Variants in SERGEF observed in about 807,000 individuals in gnomAD.
SERGEF encodes secretion regulating guanine nucleotide exchange factor.
Under a neutral mutation model 50.0 loss-of-function variants are expected in SERGEF, and 51 were observed. The ratio of observed to expected loss-of-function variants is 1.02; its 90% CI spans 0.81 to 1.29. SERGEF has a LOEUF of 1.29. Ranked by LOEUF, SERGEF falls within the 50% of genes most tolerant of loss-of-function variation. The pLI is 0.00. For synonymous variants in SERGEF, 205 were observed against 212.4 expected (o/e 0.97, Z 0.30); for missense variants, 521 against 557.0 (o/e 0.94, Z 0.65).
chr11:17,821,796 A>C (rs1016749781), intron 10 of SERGEF, among the ~76,000 whole-genome samples: 1 of 152,124 alleles, frequency 6.6e-6, no homozygotes, highest in Admixed American at 6.6e-5. Context: ...TGTCCATCTC[A>C]CTCAAAAGAG....
At chr11:17,979,502 T>C (rs1401362174) in intron 8 of SERGEF, among the ~76,000 whole-genome samples, 1 of 152,138 alleles carries the variant, frequency 6.6e-6, no homozygotes, top group Non-Finnish European at 1.5e-5. Flanking sequence ...GCATTGTGTG[T>C]TTGTGTGAGC....
Position 18,012,965 on chromosome 11 carries a change from C to T in SERGEF, c.46G>A (p.Ala16Thr), listed in dbSNP as rs761863944. The T allele has an allele frequency of 1.4e-5, 21 of 1,477,738 alleles. No homozygotes were observed. The Admixed American group carries it at 1.7e-4, about 12-fold the overall frequency. 91.5% of individuals were successfully genotyped at this position (1,477,738 alleles called of 1,614,324 possible). A position where few individuals can be genotyped will look rare whatever the true frequency, so the allele number is the denominator to read the frequency against. ...SASEAAPAAA[A>T]LFAWGANSYG... ...GAGTCACGTACCCAGGCGAAGAGCG[C>T]GGCCGCCGCGGGGGCGGCCTCCGAG... Residue 16 changes from alanine (A) to threonine (T), a missense_variant, in exon 1 of 11, where the codon GCG (alanine) becomes ACG (threonine). Transcript: ENST00000265965.
chr11:17,839,335 C>A (rs1202101898), intron 10 of SERGEF, among the ~76,000 whole-genome samples: 3 of 152,176 alleles, frequency 2.0e-5, no homozygotes, highest in Non-Finnish European at 4.4e-5. Flanking sequence ...CCATCAGAGA[C>A]ACACTTTAGG....
intron 8 of SERGEF, among the ~76,000 whole-genome samples, chr11:17,975,774 A>G (rs917211683): frequency 3.3e-5 from 5 of 152,186 alleles, no homozygotes; most frequent in African/African-American, 4.8e-5. Context: ...CTACTCACAG[A>G]GTAACGCCTC....
At chr11:17,823,683 T>A (rs1376823991) in intron 10 of SERGEF, among the ~76,000 whole-genome samples, 1 of 152,122 alleles carries the variant, frequency 6.6e-6, no homozygotes, top group Admixed American at 6.5e-5. Context: ...GAGAGCCATC[T>A]CCTCTCATCA....
intron 10 of SERGEF, among the ~76,000 whole-genome samples, chr11:17,812,605 G>A (rs1452379148): frequency 6.6e-6 from 1 of 152,112 alleles, no homozygotes; most frequent in South Asian, 2.1e-4. Context: ...TTCTCCTCCT[G>A]TTCAATCCTG....
chr11:17,899,043 C>T (rs909138386), intron 9 of SERGEF, among the ~76,000 whole-genome samples: 1 of 152,208 alleles, frequency 6.6e-6, no homozygotes, highest in African/African-American at 2.4e-5. Flanking sequence ...CTATCTAAGA[C>T]ATGCCTGCTT....
intron 10 of SERGEF, among the ~76,000 whole-genome samples, chr11:17,842,265 T>C (rs1354819019): frequency 1.3e-5 from 2 of 152,166 alleles, no homozygotes; most frequent in Admixed American, 1.3e-4. Context: ...TTCCAAGCAA[T>C]CATAACAGGT....
At chr11:17,936,271 G>A (rs1444102697) in intron 9 of SERGEF, among the ~76,000 whole-genome samples, 1 of 151,938 alleles carries the variant, frequency 6.6e-6, no homozygotes, top group Non-Finnish European at 1.5e-5. Context: ...TATTCTTCTG[G>A]GTAATACTGG....
intron 9 of SERGEF, among the ~76,000 whole-genome samples, chr11:17,916,461 T>C (rs1158190781): frequency 1.3e-5 from 2 of 152,208 alleles, no homozygotes; most frequent in Non-Finnish European, 2.9e-5. Context: ...TCTGAGCTTA[T>C]AAATTACCTG....
chr11:17,907,499 T>C (rs970605002), intron 9 of SERGEF, among the ~76,000 whole-genome samples: 2 of 152,250 alleles, frequency 1.3e-5, no homozygotes, highest in African/African-American at 4.8e-5. Flanking sequence ...TTATATGTTC[T>C]TTCCCTGTGT....
intron 10 of SERGEF, among the ~76,000 whole-genome samples, chr11:17,864,242 C>A (rs538472641): frequency 6.6e-6 from 1 of 152,320 alleles, no homozygotes; most frequent in South Asian, 2.1e-4. Flanking sequence ...GAGCATTGTG[C>A]TAAACAGGTG....
intron 10 of SERGEF, among the ~76,000 whole-genome samples, chr11:17,791,670 C>T (rs1185260532): frequency 6.6e-6 from 1 of 152,214 alleles, no homozygotes; most frequent in African/African-American, 2.4e-5. Flanking sequence ...CCAGCTTCGC[C>T]ACTTACTAGT....
intron 10 of SERGEF, among the ~76,000 whole-genome samples, chr11:17,797,709 A>G (rs1364536247): frequency 1.3e-5 from 2 of 152,210 alleles, no homozygotes; most frequent in East Asian, 3.8e-4. Context: ...TTAGCGCTCA[A>G]TGCTGTTGTG....
At chr11:17,906,870 T>C (rs1223649799) in intron 9 of SERGEF, among the ~76,000 whole-genome samples, 1 of 151,018 alleles carries the variant, frequency 6.6e-6, no homozygotes, top group Non-Finnish European at 1.5e-5. Context: ...AGAAATCATG[T>C]CTTTCGATCT....
At chr11:17,889,286 A>G (rs1851488979) in intron 9 of SERGEF, among the ~76,000 whole-genome samples, 1 of 152,210 alleles carries the variant, frequency 6.6e-6, no homozygotes, top group Admixed American at 6.5e-5. Flanking sequence ...TATAGCAGAG[A>G]AAGGAGGCAA....
At chr11:17,825,559 C>A (rs913823803) in intron 10 of SERGEF, among the ~76,000 whole-genome samples, 1 of 152,176 alleles carries the variant, frequency 6.6e-6, no homozygotes, top group African/African-American at 2.4e-5. Context: ...GTACCATTTT[C>A]TGATCAAATC....
Position 17,880,893 on chromosome 11 carries a change from A to T in SERGEF, c.1012-2649T>A, listed in dbSNP as rs1379187800. ...ATTATTTAACTGTGGTGGCAGTAGT[A>T]GTGGTGGCTAGGGCAACAGTAACTG... is the stretch of plus-strand genomic sequence containing the variant. On this transcript the variant is annotated intron_variant, in intron 9 of 10. Coordinates refer to ENST00000265965, the MANE Select transcript of SERGEF (RefSeq NM_012139.4). Among the ~76,000 whole-genome samples, 2 of 152,200 alleles carry T rather than the reference A, an allele frequency of 1.3e-5. 1 individual carries two copies. Among genetic ancestry groups the T allele is most frequent in the East Asian group, 3.8e-4 (2 of 5,206 alleles).
chr11:17,826,334 C>T (rs1201393407), intron 10 of SERGEF, among the ~76,000 whole-genome samples: 1 of 152,218 alleles, frequency 6.6e-6, no homozygotes, highest in South Asian at 2.1e-4. Flanking sequence ...TATATTGACA[C>T]TAATTTTGTA....
Sources: gnomAD v4.1 joint callset for allele counts (sites outside exome capture counted in the v4.1 genomes callset) on GRCh38, gnomAD v4.1.1 for gene constraint, MANE v1.5 for transcripts, NCBI Gene and HGNC (gene_info 2026-07-23, HGNC 2026-07-21) for gene names.